Variants in TUSC3 observed in about 807,000 individuals in gnomAD.
TUSC3 encodes dolichyl-diphosphooligosaccharide--protein glycosyltransferase subunit TUSC3.
In TUSC3, 45 loss-of-function variants were observed where a neutral mutation model predicts 44.8. The ratio of observed to expected loss-of-function variants is 1.00; its 90% CI spans 0.79 to 1.29. The LOEUF is 1.29. Ranked by LOEUF, TUSC3 falls within the 50% of genes most tolerant of loss-of-function variation. TUSC3 has a pLI of 0.00. For missense variants in TUSC3, 519 were observed against 437.9 expected (o/e 1.19, Z -1.65); for synonymous variants, 212 against 152.9 (o/e 1.39, Z -2.85).
intron 1 of TUSC3, among the ~76,000 whole-genome samples, chr8:15,478,600 C>T (rs1326719796): frequency 6.6e-6 from 1 of 152,196 alleles, no homozygotes; most frequent in Non-Finnish European, 1.5e-5. Context: ...CTGAAAAGGA[C>T]ATGATCTCAT....
At chr8:15,715,674 A>G (rs1408219198) in intron 6 of TUSC3, among the ~76,000 whole-genome samples, 1 of 151,888 alleles carries the variant, frequency 6.6e-6, no homozygotes, top group Non-Finnish European at 1.5e-5. Context: ...AGGGGGGACT[A>G]CTATGCATTT....
At chr8:15,717,554 G>C (rs1387283370) in intron 6 of TUSC3, among the ~76,000 whole-genome samples, 1 of 151,954 alleles carries the variant, frequency 6.6e-6, no homozygotes, top group African/African-American at 2.4e-5. Context: ...CACTGTACCT[G>C]TTTGAAATCC....
chr8:15,418,020 G>A (rs1451626666), intron 1 of TUSC3, among the ~76,000 whole-genome samples: 1 of 152,154 alleles, frequency 6.6e-6, no homozygotes, highest in Non-Finnish European at 1.5e-5. Flanking sequence ...GAAAACAAAA[G>A]CTTCCCAGGT....
chr8:15,836,323 TA>T, the TUSC3 span, among the ~76,000 whole-genome samples: 140 of 142,526 alleles, frequency 9.8e-4, no homozygotes, highest in Middle Eastern at 0.015. Context: ...TAAAAATACT[TA>T]AAAAAAAAAA....
At position 15,433,752 on chromosome 8, in the gene TUSC3, C is replaced by T. The variant is rs538599133; in HGVS notation, n.91+16447C>T. ...CTTGAGTGTTTTTGATGTTAATTCACGTTGTGTGTTTTAGTTATTTATTCC... is the reference window on the plus strand; with the variant it reads ...CTTGAGTGTTTTTGATGTTAATTCATGTTGTGTGTTTTAGTTATTTATTCC... On this transcript the variant is annotated intron_variant and non_coding_transcript_variant, in intron 1 of 5. Coordinates refer to the TUSC3 transcript ENST00000503191. Among the ~76,000 whole-genome samples, 7 of 152,214 alleles carry T rather than the reference C, an allele frequency of 4.6e-5. No individual in the cohort carries two copies. In the South Asian group the frequency reaches 1.2e-3, roughly 27 times the overall value.
At chr8:15,737,536 G>C (rs570603393) in intron 7 of TUSC3, among the ~76,000 whole-genome samples, 2 of 152,190 alleles carry the variant, frequency 1.3e-5, no homozygotes, top group Non-Finnish European at 2.9e-5. Context: ...GTGCACAGTA[G>C]TTTAAATATA....
intron 6 of TUSC3, among the ~76,000 whole-genome samples, chr8:15,720,786 C>A (rs1490323937): frequency 6.6e-6 from 1 of 152,018 alleles, no homozygotes; most frequent in Non-Finnish European, 1.5e-5. Context: ...TATAATGGCA[C>A]TAAGAGATTT....
intron 1 of TUSC3, among the ~76,000 whole-genome samples, chr8:15,607,631 C>A (rs941990570): frequency 2.0e-5 from 3 of 152,124 alleles, no homozygotes; most frequent in Non-Finnish European, 4.4e-5. Flanking sequence ...TACCTAGATT[C>A]CACAATTAAC....
At chr8:15,468,779 C>T (rs1056323814) in intron 1 of TUSC3, among the ~76,000 whole-genome samples, 1 of 152,030 alleles carries the variant, frequency 6.6e-6, no homozygotes, top group African/African-American at 2.4e-5. Flanking sequence ...TCAGGAGATT[C>T]AAGGGATTCC....
At chr8:15,502,277 C>G (rs999077879) in intron 2 of TUSC3, among the ~76,000 whole-genome samples, 2 of 152,114 alleles carry the variant, frequency 1.3e-5, no homozygotes, top group Non-Finnish European at 2.9e-5. Flanking sequence ...TATTTTTTCC[C>G]AAATGCCCAA....
intron 1 of TUSC3, among the ~76,000 whole-genome samples, chr8:15,575,370 AT>A (rs1195422635): frequency 2.6e-5 from 4 of 152,158 alleles, no homozygotes; most frequent in African/African-American, 9.7e-5. Flanking sequence ...GTCAAATGGA[AT>A]TTTTATGTGG....
At chr8:15,499,850 A>G (rs1449966970) in intron 2 of TUSC3, among the ~76,000 whole-genome samples, 3 of 152,158 alleles carry the variant, frequency 2.0e-5, no homozygotes, top group Non-Finnish European at 2.9e-5. Context: ...CCATAAGTGT[A>G]TGAGCCAAAT....
chr8:15,512,931 C>CATAT (rs10696221), intron 2 of TUSC3, among the ~76,000 whole-genome samples: 10,569 of 109,666 alleles, frequency 0.096, 611 homozygotes, highest in East Asian at 0.13. Context: ...TATATATAAT[C>CATAT]ATATATATAT....
At chr8:15,607,581 G>A (rs1304793056) in intron 1 of TUSC3, among the ~76,000 whole-genome samples, 2 of 152,046 alleles carry the variant, frequency 1.3e-5, no homozygotes, top group African/African-American at 4.8e-5. Context: ...AAACATAAAG[G>A]TAAGCTGAGA....
the TUSC3 span, among the ~76,000 whole-genome samples, chr8:15,833,588 C>T: frequency 1.3e-5 from 2 of 152,210 alleles, no homozygotes; most frequent in African/African-American, 2.4e-5. Context: ...AATGCAGGAA[C>T]AGAAAACCAA....
At chr8:15,648,943 G>A (rs1563153197) in intron 2 of TUSC3, among the ~76,000 whole-genome samples, 1 of 151,810 alleles carries the variant, frequency 6.6e-6, no homozygotes, top group Non-Finnish European at 1.5e-5. Context: ...AACTAATAAA[G>A]TCCCTTTTCT....
At chr8:15,816,860 G>A in the TUSC3 span, among the ~76,000 whole-genome samples, 1,774 of 152,270 alleles carry the variant, frequency 0.012, 46 homozygotes, top group African/African-American at 0.04. Context: ...AGCAGCATTG[G>A]AGTTCATAGC....
chr8:15,691,238 G>T (rs1184218485), intron 6 of TUSC3, among the ~76,000 whole-genome samples: 1 of 151,968 alleles, frequency 6.6e-6, no homozygotes, highest in Non-Finnish European at 1.5e-5. Flanking sequence ...CTGATAACCT[G>T]TATTCTTAAG....
intron 2 of TUSC3, among the ~76,000 whole-genome samples, chr8:15,648,760 A>AAAAAAAAAAC (rs1806750788): frequency 7.6e-6 from 1 of 131,866 alleles, no homozygotes; most frequent in African/African-American, 3.1e-5. Context: ...AAAAAAAGAC[A>AAAAAAAAAAC]TCTCCTGTTG....
Sources: gnomAD v4.1 joint callset for allele counts (sites outside exome capture counted in the v4.1 genomes callset) on GRCh38, gnomAD v4.1.1 for gene constraint, MANE v1.5 for transcripts, NCBI Gene and HGNC (gene_info 2026-07-23, HGNC 2026-07-21) for gene names.